KIAA2012: variants seen among roughly 807,000 people sequenced by gnomAD.
KIAA2012 encodes KIAA2012.
Under a neutral mutation model 150.6 loss-of-function variants are expected in KIAA2012, and 125 were observed. The observed-to-expected ratio is 0.83, with a 90% CI of 0.72 to 0.96. The LOEUF (loss-of-function observed/expected upper bound fraction) is 0.96, where lower values mean the gene tolerates loss of function less well. Ranked by LOEUF, KIAA2012 falls within the 40% of genes least tolerant of loss-of-function variation. The pLI, the probability that KIAA2012 is intolerant of heterozygous loss-of-function variation, is 0.00. For missense variants in KIAA2012, 1,219 were observed against 1,354.9 expected (o/e 0.90, Z 1.57); for synonymous variants, 462 against 504.7 (o/e 0.92, Z 1.13).
chr2:202,159,805 G>A (rs1023180980), intron 14 of KIAA2012, among the ~76,000 whole-genome samples: 1 of 152,178 alleles, frequency 6.6e-6, no homozygotes, highest in Admixed American at 6.5e-5. Context: ...TCGCACAACT[G>A]CACTCCAGCC....
chr2:202,103,562 C>T (rs1356095769), intron 8 of KIAA2012, among the ~76,000 whole-genome samples: 3 of 151,988 alleles, frequency 2.0e-5, no homozygotes, highest in Non-Finnish European at 2.9e-5. Context: ...GAAGTAAGTA[C>T]TGGATTTAGC....
rs371740358 is a variant in KIAA2012 at position 202,194,746 on chromosome 2, T to G, written c.3187+384T>G. Among the ~76,000 whole-genome samples the G allele has an allele frequency of 8.5e-5, 13 of 152,128 alleles. No homozygotes were observed. The South Asian group carries it at 2.3e-3, about 27-fold the overall frequency. On this transcript the variant is annotated intron_variant, in intron 21 of 23. Transcript: ENST00000498697. ...ATCTTGCCAGCCTCTTTTTAAAAAA[T>G]TATTAGTTTTTTGTTTGTTTGTTTT...
At chr2:202,190,757 G>A (rs1331930694) in intron 19 of KIAA2012, among the ~76,000 whole-genome samples, 1 of 152,124 alleles carries the variant, frequency 6.6e-6, no homozygotes, top group Non-Finnish European at 1.5e-5. Flanking sequence ...ACCCTTTAAA[G>A]AATAGGAAAT....
chr2:202,090,658 G>A lies in KIAA2012; in HGVS notation c.370-112G>A, dbSNP rs1689694730. 1.9e-5 allele frequency: 24 copies of A among 1,276,148 alleles called. No individual in the cohort carries two copies. In the South Asian group the frequency reaches 4.8e-4, roughly 25 times the overall value. 79.1% of individuals were successfully genotyped at this position (1,276,148 alleles called of 1,614,324 possible). Reference sequence around the variant, plus strand: ...AGGCATCTGTTTTTGGTGCCTTCTGGCACCTTCTGGGAGTTTCCTGGGTTA... The same window carrying A: ...AGGCATCTGTTTTTGGTGCCTTCTGACACCTTCTGGGAGTTTCCTGGGTTA... On this transcript the variant is annotated intron_variant, in intron 2 of 23. Transcript: ENST00000498697.
chr2:202,133,982 A>AT (rs535289269), intron 12 of KIAA2012, among the ~76,000 whole-genome samples: 3,930 of 148,468 alleles, frequency 0.026, 179 homozygotes, highest in African/African-American at 0.089. Context: ...ACTGGGGAGA[A>AT]TTTTTTTTTT....
intron 11 of KIAA2012, among the ~76,000 whole-genome samples, chr2:202,123,014 C>G (rs563060034): frequency 6.6e-6 from 1 of 152,254 alleles, no homozygotes; most frequent in Non-Finnish European, 1.5e-5. Flanking sequence ...AAAATAGATC[C>G]CCATGCCATG....
At position 202,099,711 on chromosome 2, in the gene KIAA2012, C is replaced by A. The variant is rs1255987016; in HGVS notation, c.927C>A (p.Arg309=). ...QTSRKAFGHG[R]IDHSWLPSDK... is the part of the protein sequence containing the mutation. Reference sequence around the variant, plus strand: ...CCAGGAAGGCCTTTGGGCATGGCCGCATCGATCACTCTTGGCTCCCAAGTG... The same window carrying A: ...CCAGGAAGGCCTTTGGGCATGGCCGAATCGATCACTCTTGGCTCCCAAGTG... The change falls in exon 6 of 24, where the codon CGC becomes CGA. Residue 309 remains arginine (R), a synonymous_variant. Transcript: ENST00000498697. 1.4e-5 allele frequency: 21 copies of A among 1,550,642 alleles called. No individual in the cohort carries two copies. Among genetic ancestry groups the A allele is most frequent in the Non-Finnish European group, 1.8e-5 (21 of 1,146,992 alleles).
At chr2:202,093,443 C>A (rs1575006442) in intron 4 of KIAA2012, among the ~76,000 whole-genome samples, 1 of 152,194 alleles carries the variant, frequency 6.6e-6, no homozygotes, top group Non-Finnish European at 1.5e-5. Context: ...AGCAGTACAA[C>A]AGTGAAACTG....
At chr2:202,124,528 T>C (rs1420317375) in intron 11 of KIAA2012, among the ~76,000 whole-genome samples, 1 of 152,192 alleles carries the variant, frequency 6.6e-6, no homozygotes, top group African/African-American at 2.4e-5. Context: ...TGTGCGTGTC[T>C]GTCATCCCCC....
At chr2:202,099,111 C>T (rs1264416654) in intron 5 of KIAA2012, among the ~76,000 whole-genome samples, 2 of 152,072 alleles carry the variant, frequency 1.3e-5, no homozygotes, top group African/African-American at 4.8e-5. Flanking sequence ...CCTCAGCCCC[C>T]TGAGTAGCTG....
intron 11 of KIAA2012, chr2:202,115,989 A>C (rs1690511773): frequency 6.6e-6 from 1 of 152,144 alleles, no homozygotes; most frequent in South Asian, 2.1e-4. Context: ...ACATTTAGAA[A>C]ATTGAAAGTC....
At chr2:202,140,823 C>G (rs1051351012) in intron 13 of KIAA2012, among the ~76,000 whole-genome samples, 5 of 152,170 alleles carry the variant, frequency 3.3e-5, no homozygotes, top group Non-Finnish European at 5.9e-5. Flanking sequence ...CAGAGGACAT[C>G]ACAATACTGA....
chr2:202,167,700 C>T (rs894675796), intron 15 of KIAA2012, among the ~76,000 whole-genome samples: 4 of 151,814 alleles, frequency 2.6e-5, no homozygotes, highest in African/African-American at 9.7e-5. Context: ...TTTAATTAGC[C>T]AGGCATGGTA....
intron 19 of KIAA2012, among the ~76,000 whole-genome samples, chr2:202,191,582 A>G (rs1391624211): frequency 6.6e-6 from 1 of 151,808 alleles, no homozygotes; most frequent in African/African-American, 2.4e-5. Flanking sequence ...AAGAAAAAAG[A>G]AAATCCCTGC....
intron 2 of KIAA2012, among the ~76,000 whole-genome samples, chr2:202,084,871 A>G (rs2105911582): frequency 6.6e-6 from 1 of 152,280 alleles, no homozygotes; most frequent in South Asian, 2.1e-4. Flanking sequence ...ACTATTTGTA[A>G]TCTTATGCCC....
At chr2:202,090,973 C>A (rs910522623) in intron 3 of KIAA2012, 44 bp downstream of exon 3, 1 of 1,508,550 alleles carries the variant, frequency 6.6e-7, no homozygotes, top group Non-Finnish European at 8.9e-7. Context: ...AACTGCCCCA[C>A]CTCCCATTCT....
intron 23 of KIAA2012, among the ~76,000 whole-genome samples, chr2:202,204,246 T>C (rs1692594362): frequency 6.6e-6 from 1 of 151,936 alleles, no homozygotes; most frequent in Non-Finnish European, 1.5e-5. Flanking sequence ...TTGGCTAATT[T>C]GTATATTTTT....
At chr2:202,163,776 A>G (rs1326832436) in intron 14 of KIAA2012, among the ~76,000 whole-genome samples, 1 of 134,510 alleles carries the variant, frequency 7.4e-6, no homozygotes, top group Non-Finnish European at 1.6e-5. Flanking sequence ...CCATTTATTC[A>G]GGGAATTTTT....
intron 14 of KIAA2012, among the ~76,000 whole-genome samples, chr2:202,157,226 GGATGTGGTAGCTCCCA>G (rs995335818): frequency 7.2e-5 from 11 of 152,314 alleles, no homozygotes; most frequent in African/African-American, 2.6e-4. Context: ...TTCTCCTTAT[GGATGTGGTAGCTCCCA>G]GATTCCTGGG....
Sources: gnomAD v4.1 joint callset for allele counts (sites outside exome capture counted in the v4.1 genomes callset) on GRCh38, gnomAD v4.1.1 for gene constraint, MANE v1.5 for transcripts, NCBI Gene and HGNC (gene_info 2026-07-23, HGNC 2026-07-21) for gene names.